CLSTN1: variants seen among roughly 807,000 people sequenced by gnomAD.
CLSTN1 encodes the protein calsyntenin-1.
Under a neutral mutation model 108.3 loss-of-function variants are expected in CLSTN1, and 28 were observed. The ratio of observed to expected loss-of-function variants is 0.26; its 90% CI spans 0.19 to 0.35. The LOEUF (loss-of-function observed/expected upper bound fraction) is 0.35. Among genes scored for constraint, CLSTN1 ranks in the 10% least tolerant of loss-of-function variants. CLSTN1 has a pLI of 1.00. For synonymous variants in CLSTN1, 524 were observed against 534.9 expected (o/e 0.98, Z 0.28); for missense variants, 1,157 against 1,302.6 (o/e 0.89, Z 1.72).
intron 1 of CLSTN1, among the ~76,000 whole-genome samples, chr1:9,775,295 C>T (rs1338900933): frequency 1.3e-5 from 2 of 151,612 alleles, no homozygotes; most frequent in Admixed American, 6.6e-5. Context: ...CTCTGACAAA[C>T]TGATCTCAAG....
intron 1 of CLSTN1, among the ~76,000 whole-genome samples, chr1:9,794,492 A>G (rs1385507137): frequency 6.6e-6 from 1 of 151,248 alleles, no homozygotes; most frequent in Non-Finnish European, 1.5e-5. Flanking sequence ...TATTTTTAGT[A>G]GAGACAGGGT....
At chr1:9,758,603 C>CA (rs1442338823) in intron 2 of CLSTN1, among the ~76,000 whole-genome samples, 3 of 152,172 alleles carry the variant, frequency 2.0e-5, no homozygotes, top group African/African-American at 7.2e-5. Context: ...CGTGAGTCAC[C>CA]GCACCTGGCC....
chr1:9,732,360 G>A (rs1650448195), intron 16 of CLSTN1, among the ~76,000 whole-genome samples: 1 of 152,054 alleles, frequency 6.6e-6, no homozygotes, highest in African/African-American at 2.4e-5. Flanking sequence ...CACGCACCTG[G>A]CTGCAATCCA....
chr1:9,786,262 T>A (rs985081745), intron 1 of CLSTN1, among the ~76,000 whole-genome samples: 1 of 152,166 alleles, frequency 6.6e-6, no homozygotes, highest in South Asian at 2.1e-4. Flanking sequence ...TTTTTAATAG[T>A]ACAGTGAAAC....
At chr1:9,812,400 A>C (rs1293893464) in intron 1 of CLSTN1, among the ~76,000 whole-genome samples, 1 of 152,198 alleles carries the variant, frequency 6.6e-6, no homozygotes, top group African/African-American at 2.4e-5. Flanking sequence ...AGCTGACAAG[A>C]GACACAGAGG....
chr1:9,773,231 A>G, intron 2 of CLSTN1, 41 bp downstream of exon 2: 1 of 1,612,190 alleles, frequency 6.2e-7, no homozygotes, highest in South Asian at 1.1e-5. Context: ...CTTCCTGACC[A>G]GGCCCGATTC....
At chr1:9,744,337 T>A in intron 8 of CLSTN1, 58 bp downstream of exon 8, 2 of 1,545,518 alleles carry the variant, frequency 1.3e-6, no homozygotes, top group Non-Finnish European at 1.7e-6. Context: ...AGCCTGCCGC[T>A]GGCACCCACC....
intron 1 of CLSTN1, among the ~76,000 whole-genome samples, chr1:9,814,063 T>C (rs1050152466): frequency 4.0e-5 from 6 of 150,996 alleles, no homozygotes; most frequent in Non-Finnish European, 4.4e-5. Context: ...GATCACGCCA[T>C]TGCACACCAG....
At chr1:9,817,465 T>C (rs1163845268) in intron 1 of CLSTN1, among the ~76,000 whole-genome samples, 1 of 151,864 alleles carries the variant, frequency 6.6e-6, no homozygotes, top group Non-Finnish European at 1.5e-5. Context: ...GTAGCTGGGA[T>C]TACAGGCATG....
At chr1:9,742,964 A>G (rs559082762) in intron 9 of CLSTN1, among the ~76,000 whole-genome samples, 1 of 152,174 alleles carries the variant, frequency 6.6e-6, no homozygotes, top group Admixed American at 6.5e-5. Flanking sequence ...ACTTTCCACT[A>G]TCATATACTT....
chr1:9,775,976 CTTT>C (rs748149329), intron 1 of CLSTN1, among the ~76,000 whole-genome samples: 3 of 144,406 alleles, frequency 2.1e-5, no homozygotes, highest in Admixed American at 7.0e-5. Context: ...TGCCTCCTCT[CTTT>C]TTTTTTTTTT....
chr1:9,758,874 C>T (rs1044459651), intron 2 of CLSTN1, among the ~76,000 whole-genome samples: 3 of 152,164 alleles, frequency 2.0e-5, no homozygotes, highest in African/African-American at 7.2e-5. Context: ...TTATTTCGGT[C>T]CCTGCTTGCT....
intron 2 of CLSTN1, among the ~76,000 whole-genome samples, chr1:9,771,342 A>C (rs542097461): frequency 6.6e-6 from 1 of 152,100 alleles, no homozygotes; most frequent in Non-Finnish European, 1.5e-5. Context: ...TAGGACGGGC[A>C]TGGTGGCTTA....
At chr1:9,818,511 T>C (rs1332504531) in intron 1 of CLSTN1, among the ~76,000 whole-genome samples, 1 of 151,372 alleles carries the variant, frequency 6.6e-6, no homozygotes, top group Non-Finnish European at 1.5e-5. Flanking sequence ...GTATTTTTAG[T>C]AGAGACAGGG....
At chr1:9,792,896 G>A (rs1363197146) in intron 1 of CLSTN1, among the ~76,000 whole-genome samples, 3 of 151,384 alleles carry the variant, frequency 2.0e-5, no homozygotes, top group African/African-American at 2.4e-5. Context: ...TTTGTGAAAC[G>A]GAGTGAGAAG....
chr1:9,749,738 A>G, intron 6 of CLSTN1, 26 bp downstream of exon 6: 3 of 1,613,160 alleles, frequency 1.9e-6, no homozygotes, highest in Non-Finnish European at 2.5e-6. Flanking sequence ...AGCAGATGTG[A>G]GCGCAGGGGA....
intron 1 of CLSTN1, among the ~76,000 whole-genome samples, chr1:9,787,873 C>T (rs909192705): frequency 1.3e-5 from 2 of 151,320 alleles, no homozygotes; most frequent in Non-Finnish European, 2.9e-5. Flanking sequence ...AAAACTGAAA[C>T]TCTGCACCCA....
intron 1 of CLSTN1, among the ~76,000 whole-genome samples, chr1:9,817,452 C>T (rs904856813): frequency 2.0e-5 from 3 of 151,944 alleles, no homozygotes; most frequent in Admixed American, 6.6e-5. Context: ...CTCAGCCTCC[C>T]GAGTAGCTGG....
chr1:9,753,263 G>C (rs897258253), intron 4 of CLSTN1, among the ~76,000 whole-genome samples: 1 of 152,094 alleles, frequency 6.6e-6, no homozygotes, highest in Non-Finnish European at 1.5e-5. Context: ...GGTGGAGCTC[G>C]GGCAGAAATG....
Sources: gnomAD v4.1 joint callset for allele counts (sites outside exome capture counted in the v4.1 genomes callset) on GRCh38, gnomAD v4.1.1 for gene constraint, MANE v1.5 for transcripts, NCBI Gene and HGNC (gene_info 2026-07-23, HGNC 2026-07-21) for gene names.